MYH6: variants seen among roughly 807,000 people sequenced by gnomAD.
MYH6 encodes myosin heavy chain 6.
MYH6 carries 126 observed loss-of-function variants against 223.2 expected under a neutral mutation model. That is an observed-to-expected ratio of 0.56 (90% CI 0.49 to 0.65). The LOEUF is 0.65. MYH6 is among the 30% of genes least tolerant of loss of function. MYH6 has a pLI of 0.00. For missense variants in MYH6, 2,040 were observed against 2,536.4 expected (o/e 0.80, Z 4.20); for synonymous variants, 978 against 1,010.2 (o/e 0.97, Z 0.61).
intron 32 of MYH6, among the ~76,000 whole-genome samples, 155 bp from the exon 33 acceptor site, chr14:23,386,778 G>A (rs964938530): frequency 1.3e-5 from 2 of 152,154 alleles, no homozygotes; most frequent in Non-Finnish European, 2.9e-5. Context: ...GCCCACCACG[G>A]TGCTATTGGG....
Position 23,386,472 on chromosome 14 carries a change from G to C in MYH6, c.4802C>G (p.Thr1601Ser). 1 of 1,614,174 alleles carries C rather than the reference G, an allele frequency of 6.2e-7. No homozygotes were observed. The highest frequency in any genetic ancestry group is 8.5e-7 in the Non-Finnish European group (1 of 1,180,026). ...NHQRVVDSLQ[T>S]SLDAETRSRN... Reference sequence around the variant, plus strand: ...GCTGCGTGTCTCTGCATCCAGGGAGGTCTGCAGCGAGTCCACCACCCGCTG... The same window carrying C: ...GCTGCGTGTCTCTGCATCCAGGGAGCTCTGCAGCGAGTCCACCACCCGCTG... Residue 1601 changes from threonine to serine, a missense_variant, in exon 33 of 39, where the codon ACC becomes AGC. Around this residue, in one of 4 missense-constraint regions of MYH6, gnomAD observed 1,203 missense variants for 1,400.2 expected, o/e 0.86. Coordinates refer to ENST00000405093, the MANE Select transcript of MYH6 (RefSeq NM_002471.4).
chr14:23,382,193 G>A, intron 38 of MYH6, 130 bp from the exon 39 acceptor site: 1 of 1,133,008 alleles, frequency 8.8e-7, no homozygotes, highest in Non-Finnish European at 1.3e-6. Context: ...CAGGGATCCT[G>A]TGGTCCCACG....
At chr14:23,396,216 A>C in intron 20 of MYH6, 68 bp downstream of exon 20, 2 of 1,609,104 alleles carry the variant, frequency 1.2e-6, no homozygotes, top group East Asian at 2.2e-5. Context: ...CTTCTGACCC[A>C]CACTAGTTGA....
At chr14:23,382,697 A>G in intron 37 of MYH6, 135 bp from the exon 38 acceptor site, 6 of 1,323,272 alleles carry the variant, frequency 4.5e-6, no homozygotes, top group Non-Finnish European at 6.5e-6. Context: ...AGCCTTCCCA[A>G]GGGTATCCTG....
Position 23,393,353 on chromosome 14 carries a change from G to A in MYH6, c.3094C>T (p.Gln1032Ter), listed in dbSNP as rs753895226. 6.2e-7 allele frequency: 1 copy of A among 1,614,168 alleles called. No individual in the cohort carries two copies. Among genetic ancestry groups the A allele is most frequent in the East Asian group, 2.2e-5 (1 of 44,886 alleles). The change falls in exon 23 of 39, where the codon CAG becomes TAG. Residue 1032 changes from glutamine (Q) to a stop codon, truncating the protein, a stop_gained. Coordinates refer to ENST00000405093, the MANE Select transcript of MYH6 (RefSeq NM_002471.4). LOFTEE classifies it high-confidence loss of function. ...TTCTTACTACTCACATCATCCACCT[G>A]CTGCTCCAGCTTGACCTTAGACTTG... The part of the protein sequence containing the change: ...LSKSKVKLEQ[Q>*]VDDLEGSLEQ...
chr14:23,406,213 A>G (rs1309645480), intron 3 of MYH6, among the ~76,000 whole-genome samples: 1 of 152,100 alleles, frequency 6.6e-6, no homozygotes, highest in East Asian at 1.9e-4. Context: ...TAGTTCACCC[A>G]TCTACTCCAC....
At chr14:23,399,552 G>A (rs1260871864) in intron 14 of MYH6, among the ~76,000 whole-genome samples, 2 of 152,056 alleles carry the variant, frequency 1.3e-5, no homozygotes, top group Non-Finnish European at 2.9e-5. Flanking sequence ...AAAAACGCAT[G>A]TACACACACA....
intron 34 of MYH6, 119 bp downstream of exon 34, chr14:23,385,809 A>G: frequency 1.4e-6 from 2 of 1,419,536 alleles, no homozygotes; most frequent in Non-Finnish European, 2.0e-6. Flanking sequence ...GAGTTGGCCT[A>G]AGAGAGGAAA....
In MYH6 at chr14:23,402,526, T is replaced by G; in HGVS notation, c.1079A>C (p.Tyr360Ser). Reference sequence around the variant, plus strand: ...CTTCTGCTTGAACTTCATGTTCCCGTAGTGCATGATGGCTCCCGTCAGCTT... The same window carrying G: ...CTTCTGCTTGAACTTCATGTTCCCGGAGTGCATGATGGCTCCCGTCAGCTT... The part of the protein sequence containing the change: ...VYKLTGAIMH[Y>S]GNMKFKQKQR... Residue 360 changes from tyrosine to serine, a missense_variant, in exon 12 of 39, where the codon TAC becomes TCC. Physicochemically the swap from Tyr to Ser is moderately radical, Grantham distance 144. Around this residue, in one of 4 missense-constraint regions of MYH6, gnomAD observed 649 missense variants for 877.3 expected, o/e 0.74. Transcript: ENST00000405093. 6.2e-7 allele frequency: 1 copy of G among 1,613,736 alleles called. No individual in the cohort carries two copies. Among genetic ancestry groups the G allele is most frequent in the Non-Finnish European group, 8.5e-7 (1 of 1,179,944 alleles).
Position 23,407,035 on chromosome 14 carries a change from G to C in MYH6, c.189C>G (p.Thr63=). The part of the protein sequence containing the change: ...SREGGKVIAE[T]ENGKTVTVKE... Reference sequence around the variant, plus strand: ...ATGCCCTACTCACCTTCCCATTCTCGGTTTCAGCAATGACCTTGCCTCCCT... The same window carrying C: ...ATGCCCTACTCACCTTCCCATTCTCCGTTTCAGCAATGACCTTGCCTCCCT... The change falls in exon 3 of 39, where the codon ACC becomes ACG. Residue 63 remains threonine, a synonymous_variant. Coordinates refer to ENST00000405093, the MANE Select transcript of MYH6 (RefSeq NM_002471.4). This position sits in a 1 kb window ranked among gnomAD's most constrained non-coding sequence, Gnocchi z 5.6. 6.2e-7 allele frequency: 1 copy of C among 1,614,060 alleles called. No individual in the cohort carries two copies. Among genetic ancestry groups the C allele is most frequent in the Non-Finnish European group, 8.5e-7 (1 of 1,180,000 alleles).
intron 34 of MYH6, 102 bp downstream of exon 34, chr14:23,385,826 G>A: frequency 6.6e-7 from 1 of 1,524,050 alleles, no homozygotes; most frequent in Non-Finnish European, 9.1e-7. Context: ...GAAATGATTT[G>A]TGACCCTGGC....
chr14:23,389,773 G>C (rs1891174361), intron 26 of MYH6, 54 bp from the exon 27 acceptor site: 1 of 1,613,740 alleles, frequency 6.2e-7, no homozygotes, highest in East Asian at 2.2e-5. Context: ...GTCGACCAGA[G>C]GAAGGAAGAG....
intron 25 of MYH6, among the ~76,000 whole-genome samples, chr14:23,391,615 T>A (rs1010951837): frequency 6.6e-6 from 1 of 152,182 alleles, no homozygotes; most frequent in African/African-American, 2.4e-5. Flanking sequence ...GGAGACTACC[T>A]CTTTCTACCA....
rs755565288 is a variant in MYH6 at position 23,393,024 on chromosome 14, G to A, written c.3139C>T (p.Arg1047Cys). 34 of 1,614,084 alleles carry A rather than the reference G, an allele frequency of 2.1e-5. No individual in the cohort carries two copies. In the African/African-American group the frequency reaches 2.8e-4, roughly 13 times the overall value. Residue 1047 changes from arginine to cysteine, a missense_variant, in exon 24 of 39, where the codon CGC (arginine) becomes TGC (cysteine). Arg to Cys is a radical substitution (Grantham distance 180). Transcript: ENST00000405093. ...EGSLEQEKKV[R>C]MDLERAKRKL... ...CGCTTTGCTCGCTCCAGGTCCATGC[G>A]CACCTTCTTCTCTTGCTCTAGGGAT...
In MYH6 at chr14:23,384,724, G is replaced by A. The variant is rs1321465778; in HGVS notation, c.5290-7C>T. 6.2e-7 allele frequency: 1 copy of A among 1,614,250 alleles called. No homozygotes were observed. The highest frequency in any genetic ancestry group is 8.5e-7 in the Non-Finnish European group (1 of 1,180,046). On this transcript the variant is annotated splice_polypyrimidine_tract_variant and splice_region_variant and intron_variant, in intron 35 of 38. Transcript: ENST00000405093. ...CCTCTGCCATCATGGCGGCCTGTGT[G>A]CAGGAGAGAGGTGGCAAGGAACATG... is the stretch of plus-strand genomic sequence containing the variant.
intron 14 of MYH6, 41 bp downstream of exon 14, chr14:23,400,215 T>A: frequency 6.2e-7 from 1 of 1,614,080 alleles, no homozygotes; most frequent in Non-Finnish European, 8.5e-7. Flanking sequence ...TTTGTCTGGA[T>A]GGCAGAGGAG....
In MYH6 at chr14:23,385,055, G is replaced by A; in HGVS notation, c.5164-14C>T. 1 of 1,614,044 alleles carries A rather than the reference G, an allele frequency of 6.2e-7. No homozygotes were observed. Among genetic ancestry groups the A allele is most frequent in the East Asian group, 2.2e-5 (1 of 44,868 alleles). On this transcript the variant is annotated splice_polypyrimidine_tract_variant and intron_variant, in intron 34 of 38. Transcript: ENST00000405093. ...GAGGCTGGTGTTCTAGACATGGAGA[G>A]AGAAAAATGATCAAATATATACTAC...
chr14:23,391,886 A>G (rs1402478456), intron 25 of MYH6, among the ~76,000 whole-genome samples: 1 of 152,256 alleles, frequency 6.6e-6, no homozygotes, highest in African/African-American at 2.4e-5. Flanking sequence ...TGAGAAGACA[A>G]AACAATACCT....
chr14:23,405,812 C>T lies in MYH6; in HGVS notation c.202-42G>A, dbSNP rs183231576. The T allele has an allele frequency of 9.8e-5, 158 of 1,613,768 alleles. No homozygotes were observed. In the East Asian group the frequency reaches 3.3e-3, roughly 34 times the overall value. On this transcript the variant is annotated intron_variant, in intron 3 of 38. Coordinates refer to ENST00000405093, the MANE Select transcript of MYH6 (RefSeq NM_002471.4). The surrounding 1 kb of genome is among the most constrained non-coding windows in gnomAD (Gnocchi z 4.7). ...AGCAGGAGGATGAGTGACCACAATC[C>T]CTCCGGGACCCTTGCCAGCACTGCC...
Sources: allele counts gnomAD v4.1 joint callset (sites outside exome capture counted in the v4.1 genomes callset), GRCh38; gene constraint gnomAD v4.1.1; regional missense constraint gnomAD v4.1.1; non-coding constraint Gnocchi (gnomAD v3.1); transcripts MANE v1.5; gene names NCBI Gene and HGNC (gene_info 2026-07-23, HGNC 2026-07-21).